The following IMMP2L variants were observed in gnomAD, a reference collection of about 807,000 sequenced individuals.
The protein encoded by IMMP2L is inner mitochondrial membrane peptidase subunit 2.
IMMP2L carries 18 observed loss-of-function variants against 19.3 expected under a neutral mutation model. The ratio of observed to expected loss-of-function variants is 0.93; its 90% CI spans 0.64 to 1.38. The LOEUF is 1.38. Ranked by LOEUF, IMMP2L falls within the 40% of genes most tolerant of loss-of-function variation. The probability of loss-of-function intolerance (pLI) is 0.00; values close to 1 mark genes in which losing one functional copy is unlikely to be tolerated. For missense variants in IMMP2L, 233 were observed against 218.2 expected (o/e 1.07, Z -0.43); for synonymous variants, 76 against 73.0 (o/e 1.04, Z -0.21).
chr7:111,302,573 T>C (rs1271877469), intron 3 of IMMP2L, among the ~76,000 whole-genome samples: 1 of 152,130 alleles, frequency 6.6e-6, no homozygotes, highest in African/African-American at 2.4e-5. Flanking sequence ...GTGCTATTAC[T>C]GTTCCCATTA....
At chr7:110,800,960 T>C (rs1801198080) in intron 5 of IMMP2L, among the ~76,000 whole-genome samples, 1 of 152,040 alleles carries the variant, frequency 6.6e-6, no homozygotes, top group Non-Finnish European at 1.5e-5. Flanking sequence ...ATGGGTACCT[T>C]CATCAGAAAT....
Position 110,922,793 on chromosome 7 carries a change from A to G in IMMP2L, c.306-36098T>C, listed in dbSNP as rs1814433591. Among the ~76,000 whole-genome samples, 3 of 152,296 alleles carry G rather than the reference A, an allele frequency of 2.0e-5. No individual in the cohort carries two copies. In the South Asian group the frequency reaches 6.2e-4, roughly 32 times the overall value. The stretch of plus-strand genomic sequence containing the variant: ...GAGGCTGATGTTGCTTCAAATGTAT[A>G]TCATGAGCAAACTGTTTCTCGCTAA... On this transcript the variant is annotated intron_variant, in intron 4 of 5. Coordinates refer to ENST00000405709, the MANE Select transcript of IMMP2L (RefSeq NM_032549.4).
intron 3 of IMMP2L, among the ~76,000 whole-genome samples, chr7:111,327,535 C>T (rs1278980840): frequency 6.6e-6 from 1 of 151,584 alleles, no homozygotes; most frequent in Non-Finnish European, 1.5e-5. Context: ...CTTCAAAAGA[C>T]TGAACTATTT....
At chr7:111,444,108 A>T (rs1838041163) in intron 3 of IMMP2L, among the ~76,000 whole-genome samples, 1 of 152,110 alleles carries the variant, frequency 6.6e-6, no homozygotes, top group African/African-American at 2.4e-5. Flanking sequence ...CACTTGAGAG[A>T]AATAAGGTTG....
chr7:110,759,323 C>G (rs1798215274), intron 5 of IMMP2L, among the ~76,000 whole-genome samples: 1 of 152,008 alleles, frequency 6.6e-6, no homozygotes, highest in Non-Finnish European at 1.5e-5. Context: ...AGCACCTTAT[C>G]TTACCTTCCT....
intron 3 of IMMP2L, among the ~76,000 whole-genome samples, chr7:111,141,325 A>G (rs566264979): frequency 1.3e-5 from 2 of 152,258 alleles, no homozygotes; most frequent in East Asian, 3.9e-4. Context: ...TTCCCCTCCC[A>G]ATCTTTCCTC....
intron 3 of IMMP2L, among the ~76,000 whole-genome samples, chr7:111,485,171 C>T (rs1004146802): frequency 7.9e-5 from 12 of 152,174 alleles, no homozygotes; most frequent in Non-Finnish European, 1.6e-4. Flanking sequence ...TATTGCTTCA[C>T]GATCATCTGT....
intron 5 of IMMP2L, among the ~76,000 whole-genome samples, chr7:110,712,243 C>A (rs1399649937): frequency 1.6e-5 from 2 of 127,330 alleles, no homozygotes; most frequent in Admixed American, 8.3e-5. Context: ...GGACCCTCAG[C>A]TGCAGGTCTG....
intron 3 of IMMP2L, among the ~76,000 whole-genome samples, chr7:111,337,442 TTGGATGGAAGGATGGATGGA>T (rs1472721599): frequency 4.2e-5 from 6 of 144,082 alleles, no homozygotes; most frequent in African/African-American, 1.6e-4. Context: ...ATTAAGTTAT[TTGGATGGAAGGATGGATGGA>T]TGGATGGATG....
chr7:111,440,278 T>C (rs1393861301), intron 3 of IMMP2L, among the ~76,000 whole-genome samples: 1 of 151,846 alleles, frequency 6.6e-6, no homozygotes, highest in Non-Finnish European at 1.5e-5. Context: ...TTTGACTAGA[T>C]CCATCAGAGG....
At chr7:111,557,867 C>T (rs1390661272) in intron 1 of IMMP2L, among the ~76,000 whole-genome samples, 2 of 151,254 alleles carry the variant, frequency 1.3e-5, no homozygotes, top group Non-Finnish European at 2.9e-5. Flanking sequence ...GAATAAGGTA[C>T]GAGTCAATGA....
chr7:111,112,526 T>C (rs1211610146), intron 3 of IMMP2L, among the ~76,000 whole-genome samples: 1 of 152,232 alleles, frequency 6.6e-6, no homozygotes, highest in Non-Finnish European at 1.5e-5. Context: ...CTCCATGTCT[T>C]GGTTGAAACT....
chr7:111,184,964 C>T (rs1808108845), intron 3 of IMMP2L, among the ~76,000 whole-genome samples: 1 of 152,164 alleles, frequency 6.6e-6, no homozygotes, highest in African/African-American at 2.4e-5. Context: ...TAAAGATGCT[C>T]TCCTTCAGTC....
intron 3 of IMMP2L, among the ~76,000 whole-genome samples, chr7:111,265,717 C>G (rs1817759250): frequency 6.6e-6 from 1 of 152,052 alleles, no homozygotes; most frequent in Non-Finnish European, 1.5e-5. Flanking sequence ...TTCAGAGTAG[C>G]AGAGTGAGAT....
At chr7:111,501,764 T>A (rs1449410280) in intron 2 of IMMP2L, among the ~76,000 whole-genome samples, 4 of 152,070 alleles carry the variant, frequency 2.6e-5, no homozygotes, top group Admixed American at 6.6e-5. Context: ...TTTACAGAGA[T>A]GCACATGCTG....
chr7:110,825,216 G>A (rs369699136), intron 5 of IMMP2L, among the ~76,000 whole-genome samples: 1 of 152,100 alleles, frequency 6.6e-6, no homozygotes, highest in Non-Finnish European at 1.5e-5. Context: ...AACATTCCAC[G>A]CTCATGGATA....
At chr7:111,471,055 T>C (rs1841216540) in intron 3 of IMMP2L, among the ~76,000 whole-genome samples, 1 of 152,034 alleles carries the variant, frequency 6.6e-6, no homozygotes, top group Non-Finnish European at 1.5e-5. Context: ...GAAACATTTG[T>C]ATCGTGGCCA....
intron 3 of IMMP2L, among the ~76,000 whole-genome samples, chr7:111,329,314 C>T (rs116151030): frequency 0.011 from 1,614 of 151,898 alleles, 29 homozygotes; most frequent in African/African-American, 0.036. Context: ...CACACCCTAT[C>T]TCAACATAAC....
chr7:110,933,186 A>C (rs1050043137), intron 4 of IMMP2L, among the ~76,000 whole-genome samples: 1 of 152,158 alleles, frequency 6.6e-6, no homozygotes, highest in Admixed American at 6.5e-5. Context: ...CCTGGTGGAG[A>C]CATAGCTGGA....
Sources: gnomAD v4.1 joint callset for allele counts (sites outside exome capture counted in the v4.1 genomes callset) on GRCh38, gnomAD v4.1.1 for gene constraint, MANE v1.5 for transcripts, NCBI Gene and HGNC (gene_info 2026-07-23, HGNC 2026-07-21) for gene names.